CMPK1: variants seen among roughly 807,000 people sequenced by gnomAD.
CMPK1 encodes UMP-CMP kinase.
Under a neutral mutation model 25.7 loss-of-function variants are expected in CMPK1, and 10 were observed. The observed-to-expected ratio is 0.39, with a 90% CI of 0.24 to 0.66. The LOEUF (loss-of-function observed/expected upper bound fraction) is 0.66, where lower values mean the gene tolerates loss of function less well. CMPK1 is among the 30% of genes least tolerant of loss of function. The pLI, the probability that CMPK1 is intolerant of heterozygous loss-of-function variation, is 0.48. For missense variants in CMPK1, 199 were observed against 280.5 expected, an observed-to-expected ratio of 0.71 and a Z score of 2.08; for synonymous variants, 106 against 101.5, an observed-to-expected ratio of 1.04 and a Z score of -0.27.
chr1:47,362,169 C>T (rs1197245299), intron 1 of CMPK1, among the ~76,000 whole-genome samples: 10 of 121,300 alleles, frequency 8.2e-5, no homozygotes, highest in Admixed American at 3.7e-4. Context: ...AGCACCCGGC[C>T]TTTTTTTTTT....
intron 1 of CMPK1, 103 bp downstream of exon 1, chr1:47,334,219 A>G (rs1646378663): frequency 2.7e-6 from 3 of 1,095,246 alleles, no homozygotes. Flanking sequence ...CGAGCCGCAG[A>G]CTACGAGTCC....
intron 1 of CMPK1, among the ~76,000 whole-genome samples, chr1:47,338,162 C>T (rs1231644797): frequency 1.3e-5 from 2 of 152,118 alleles, no homozygotes; most frequent in African/African-American, 2.4e-5. Context: ...ATTTCCAACT[C>T]AGGCTGCCAG....
intron 1 of CMPK1, among the ~76,000 whole-genome samples, chr1:47,338,326 A>T (rs1646414289): frequency 6.6e-6 from 1 of 152,146 alleles, no homozygotes; most frequent in African/African-American, 2.4e-5. Flanking sequence ...TTTTCTCTGG[A>T]GGTGAATTCT....
At chr1:47,357,340 C>T (rs754597165) in intron 1 of CMPK1, among the ~76,000 whole-genome samples, 1 of 152,058 alleles carries the variant, frequency 6.6e-6, no homozygotes, top group Non-Finnish European at 1.5e-5. Context: ...ATAATTCTTA[C>T]ACATTTAGTT....
chr1:47,352,284 CTTTTA>C (rs1646528128), intron 1 of CMPK1, among the ~76,000 whole-genome samples: 1 of 152,116 alleles, frequency 6.6e-6, no homozygotes, highest in Non-Finnish European at 1.5e-5. Flanking sequence ...TGTGGGCTGT[CTTTTA>C]TTTTCTTGGT....
At chr1:47,347,991 T>C (rs1465356575) in intron 1 of CMPK1, among the ~76,000 whole-genome samples, 1 of 152,196 alleles carries the variant, frequency 6.6e-6, no homozygotes, top group South Asian at 2.1e-4. Context: ...TGACTATTGC[T>C]GTGTTTCCTT....
At chr1:47,360,668 TC>T (rs1299783165) in intron 1 of CMPK1, among the ~76,000 whole-genome samples, 1 of 152,250 alleles carries the variant, frequency 6.6e-6, no homozygotes, top group African/African-American at 2.4e-5. Context: ...CACTATTGCA[TC>T]CTTTGTTAAT....
At chr1:47,370,853 A>C (rs1351343856) in intron 2 of CMPK1, among the ~76,000 whole-genome samples, 1 of 151,322 alleles carries the variant, frequency 6.6e-6, no homozygotes, top group Non-Finnish European at 1.5e-5. Flanking sequence ...CGGGAGGCTG[A>C]GGCAGGAGAA....
chr1:47,349,731 C>A (rs1400480491), intron 1 of CMPK1, among the ~76,000 whole-genome samples: 1 of 152,114 alleles, frequency 6.6e-6, no homozygotes, highest in Non-Finnish European at 1.5e-5. Context: ...CTATTAGGGC[C>A]AACTTTCTAA....
chr1:47,375,506 AAG>A (rs1646702368), intron 5 of CMPK1, among the ~76,000 whole-genome samples: 1 of 151,940 alleles, frequency 6.6e-6, no homozygotes, highest in South Asian at 2.1e-4. Flanking sequence ...TTAAAAAAAA[AAG>A]AAGACACTGG....
intron 1 of CMPK1, chr1:47,358,378 G>C (rs1053450456): frequency 8.0e-7 from 1 of 1,253,162 alleles, no homozygotes; most frequent in Admixed American, 2.3e-5. Flanking sequence ...CTTCCAAAGT[G>C]CTGAGATTAC....
chr1:47,370,342 A>G (rs1449455856), intron 2 of CMPK1, among the ~76,000 whole-genome samples: 3 of 151,420 alleles, frequency 2.0e-5, no homozygotes, highest in African/African-American at 4.8e-5. Flanking sequence ...TAAAACTAAA[A>G]TATGTCACAT....
intron 2 of CMPK1, among the ~76,000 whole-genome samples, chr1:47,370,176 C>A (rs1321549903): frequency 3.3e-5 from 5 of 151,782 alleles, no homozygotes; most frequent in Non-Finnish European, 5.9e-5. Flanking sequence ...TTGGGCCTCC[C>A]AAAGTGCTGG....
Position 47,333,941 on chromosome 1 carries a change from G to T in CMPK1, c.-5G>T. On this transcript the variant is annotated 5_prime_UTR_variant, in exon 1 of 6. Coordinates refer to ENST00000371873, the MANE Select transcript of CMPK1 (RefSeq NM_016308.3). ...CTCCCTCAGCGTCCGGCCGAGGCGC[G>T]GTGTATGCTGAGCCGCTGCCGCAGC... is the stretch of plus-strand genomic sequence containing the variant. 5 of 1,401,036 alleles carry T rather than the reference G, an allele frequency of 3.6e-6. No individual in the cohort carries two copies. The highest frequency in any genetic ancestry group is 4.7e-6 in the Non-Finnish European group (5 of 1,063,728). 86.8% of individuals were successfully genotyped at this position (1,401,036 alleles called of 1,614,324 possible). A position where few individuals can be genotyped will look rare whatever the true frequency, so the allele number is the denominator to read the frequency against.
At chr1:47,375,409 A>T in intron 5 of CMPK1, 116 bp downstream of exon 5, 1 of 675,958 alleles carries the variant, frequency 1.5e-6, no homozygotes, top group Non-Finnish European at 2.4e-6. Flanking sequence ...TTTTCAAGAC[A>T]CTGGAAGCCA....
chr1:47,366,231 G>A (rs1340205970), intron 1 of CMPK1, among the ~76,000 whole-genome samples: 1 of 152,214 alleles, frequency 6.6e-6, no homozygotes, highest in Non-Finnish European at 1.5e-5. Flanking sequence ...ATAGTAGCTT[G>A]TAATTGTAGT....
In CMPK1 at chr1:47,362,414, C is replaced by T. The variant is rs149747939; in HGVS notation, c.172-6055C>T. 4.4e-4 allele frequency among the ~76,000 whole-genome samples: 67 copies of T among 151,144 alleles called. 1 individual carries two copies. The highest frequency in any genetic ancestry group is 3.4e-3 in the Middle Eastern group (1 of 290). ...AACTCCTGACCTCAGGTGATCCGCCCGACTTGGCCTCCCAGAGTGTTGGGA... is the reference window on the plus strand; with the variant it reads ...AACTCCTGACCTCAGGTGATCCGCCTGACTTGGCCTCCCAGAGTGTTGGGA... On this transcript the variant is annotated intron_variant, in intron 1 of 5. Transcript: ENST00000371873.
chr1:47,363,665 A>C (rs2149332168), intron 1 of CMPK1, among the ~76,000 whole-genome samples: 1 of 148,364 alleles, frequency 6.7e-6, no homozygotes, highest in Non-Finnish European at 1.5e-5. Flanking sequence ...CAAACAAAAA[A>C]CAGGCACGGT....
At chr1:47,376,499 A>G (rs944431022) in intron 5 of CMPK1, among the ~76,000 whole-genome samples, 6 of 152,010 alleles carry the variant, frequency 3.9e-5, no homozygotes, top group Non-Finnish European at 8.8e-5. Flanking sequence ...TATTTTTAGT[A>G]GAGACGGGGT....
Sources: allele counts gnomAD v4.1 joint callset (sites outside exome capture counted in the v4.1 genomes callset), GRCh38; gene constraint gnomAD v4.1.1; transcripts MANE v1.5; gene names NCBI Gene and HGNC (gene_info 2026-07-23, HGNC 2026-07-21).